SLC24A2: variants seen among roughly 807,000 people sequenced by gnomAD.
The protein encoded by SLC24A2 is solute carrier family 24 member 2.
SLC24A2 carries 36 observed loss-of-function variants against 62.0 expected under a neutral mutation model. That is an observed-to-expected ratio of 0.58 (90% confidence interval 0.44 to 0.77). SLC24A2 has a LOEUF of 0.77. SLC24A2 is among the 30% of genes least tolerant of loss of function. SLC24A2 has a pLI of 0.00. For synonymous variants in SLC24A2, 358 were observed against 294.0 expected (o/e 1.22, Z -2.23); for missense variants, 846 against 817.9 (o/e 1.03, Z -0.42).
intron 7 of SLC24A2, among the ~76,000 whole-genome samples, chr9:19,552,275 A>G (rs1241629735): frequency 6.6e-6 from 1 of 151,964 alleles, no homozygotes; most frequent in South Asian, 2.1e-4. Context: ...ATCATTCCCT[A>G]TTGGGCTCAC....
At chr9:20,303,752 AT>A in the SLC24A2 span, among the ~76,000 whole-genome samples, 1 of 152,190 alleles carries the variant, frequency 6.6e-6, no homozygotes, top group African/African-American at 2.4e-5. Flanking sequence ...AGAAGGGTTC[AT>A]TTTATTTTTA....
At chr9:19,773,661 G>A (rs1822757828) in intron 2 of SLC24A2, among the ~76,000 whole-genome samples, 1 of 152,180 alleles carries the variant, frequency 6.6e-6, no homozygotes, top group Non-Finnish European at 1.5e-5. Context: ...ATGACACCAA[G>A]CTAGGCACCA....
chr9:19,563,998 T>G (rs974554461), intron 7 of SLC24A2, among the ~76,000 whole-genome samples: 2 of 151,710 alleles, frequency 1.3e-5, no homozygotes, highest in Non-Finnish European at 2.9e-5. Flanking sequence ...GAACCACAGG[T>G]GCACACCACC....
the SLC24A2 span, among the ~76,000 whole-genome samples, chr9:20,087,097 C>T: frequency 6.6e-6 from 1 of 152,154 alleles, no homozygotes; most frequent in African/African-American, 2.4e-5. Context: ...GAATTCTGTG[C>T]AGAGCTTTAT....
the SLC24A2 span, among the ~76,000 whole-genome samples, chr9:20,215,611 C>T: frequency 2.1e-3 from 320 of 152,316 alleles, no homozygotes; most frequent in Non-Finnish European, 3.0e-3. Flanking sequence ...TATACACTTA[C>T]CAATGTTATC....
the SLC24A2 span, among the ~76,000 whole-genome samples, chr9:20,250,622 G>A: frequency 2.0e-5 from 3 of 152,138 alleles, no homozygotes. Context: ...CGCCTCATGT[G>A]AGTGTGCTGA....
chr9:19,931,702 G>A, the SLC24A2 span, among the ~76,000 whole-genome samples: 3 of 152,188 alleles, frequency 2.0e-5, no homozygotes, highest in Non-Finnish European at 2.9e-5. Flanking sequence ...GGCATGGGAA[G>A]TCCCATGTCC....
chr9:20,079,461 A>G, the SLC24A2 span, among the ~76,000 whole-genome samples: 216 of 152,332 alleles, frequency 1.4e-3, 2 homozygotes, highest in South Asian at 0.03. Flanking sequence ...TTTAATGCAA[A>G]TGAAATACTA....
At chr9:20,206,033 A>C in the SLC24A2 span, among the ~76,000 whole-genome samples, 1 of 152,198 alleles carries the variant, frequency 6.6e-6, no homozygotes, top group Non-Finnish European at 1.5e-5. Context: ...CTAATACCTA[A>C]TGTTACAAAA....
chr9:19,776,053 A>T (rs536146614), intron 2 of SLC24A2, among the ~76,000 whole-genome samples: 160 of 152,350 alleles, frequency 1.1e-3, no homozygotes, highest in African/African-American at 3.6e-3. Flanking sequence ...TTTTATCTTT[A>T]TATGGATATG....
At chr9:20,019,148 A>T in the SLC24A2 span, among the ~76,000 whole-genome samples, 1 of 127,962 alleles carries the variant, frequency 7.8e-6, no homozygotes, top group African/African-American at 3.4e-5. Flanking sequence ...AAAGAAAGAA[A>T]GAAAGAAAGA....
At chr9:19,921,121 C>T in the SLC24A2 span, among the ~76,000 whole-genome samples, 1 of 151,186 alleles carries the variant, frequency 6.6e-6, no homozygotes, top group Admixed American at 6.6e-5. Context: ...CTGCCACCAA[C>T]AGTGCACCTG....
chr9:19,720,834 A>AAGGTGTG (rs1219217757), intron 2 of SLC24A2, among the ~76,000 whole-genome samples: 1 of 123,682 alleles, frequency 8.1e-6, no homozygotes, highest in African/African-American at 3.4e-5. Flanking sequence ...TATATGTGGA[A>AAGGTGTG]TGATGTGTGT....
At chr9:20,261,076 G>A in the SLC24A2 span, among the ~76,000 whole-genome samples, 5 of 151,672 alleles carry the variant, frequency 3.3e-5, no homozygotes, top group Admixed American at 6.6e-5. Context: ...GGATGGTCTC[G>A]ATCTCTTGAC....
chr9:20,262,617 T>C, the SLC24A2 span, among the ~76,000 whole-genome samples: 1 of 152,208 alleles, frequency 6.6e-6, no homozygotes, highest in African/African-American at 2.4e-5. Context: ...GAGGTGCTTA[T>C]TTTCCACTTA....
intron 2 of SLC24A2, among the ~76,000 whole-genome samples, chr9:19,732,480 T>C (rs1469115723): frequency 1.3e-5 from 2 of 152,218 alleles, no homozygotes; most frequent in Non-Finnish European, 2.9e-5. Context: ...AATTAATTTC[T>C]TTTTGATTGA....
chr9:20,006,602 T>C, the SLC24A2 span, among the ~76,000 whole-genome samples: 2 of 152,080 alleles, frequency 1.3e-5, no homozygotes, highest in African/African-American at 2.4e-5. Flanking sequence ...AAAACTACTA[T>C]GTACCCACAA....
At chr9:20,199,273 A>G in the SLC24A2 span, among the ~76,000 whole-genome samples, 4 of 152,356 alleles carry the variant, frequency 2.6e-5, no homozygotes, top group Admixed American at 2.6e-4. Context: ...GTCTGAGTCT[A>G]GGAACCAATA....
At chr9:19,667,114 A>G (rs899906561) in intron 2 of SLC24A2, among the ~76,000 whole-genome samples, 7 of 152,184 alleles carry the variant, frequency 4.6e-5, no homozygotes, top group African/African-American at 1.7e-4. Context: ...TAAAAACACA[A>G]CCTCAATGAT....
Sources: gnomAD v4.1 joint callset for allele counts (sites outside exome capture counted in the v4.1 genomes callset) on GRCh38, gnomAD v4.1.1 for gene constraint, MANE v1.5 for transcripts, NCBI Gene and HGNC (gene_info 2026-07-23, HGNC 2026-07-21) for gene names.